MTFMT: variants seen among roughly 807,000 people sequenced by gnomAD.
MTFMT encodes the protein methionyl-tRNA formyltransferase, mitochondrial.
A neutral mutation model predicts 51.8 loss-of-function variants in MTFMT; 47 were observed. That is an observed-to-expected ratio of 0.91 (90% CI 0.72 to 1.16). The LOEUF is 1.16. Among genes scored for constraint, MTFMT ranks in the 50% most tolerant of loss-of-function variants. MTFMT has a pLI of 0.00. For missense variants in MTFMT, 512 were observed against 482.3 expected (o/e 1.06, Z -0.58); for synonymous variants, 196 against 176.7 (o/e 1.11, Z -0.87).
At chr15:65,028,728 T>C (rs117827710) in intron 1 of MTFMT, among the ~76,000 whole-genome samples, 196 of 152,280 alleles carry the variant, frequency 1.3e-3, no homozygotes, top group African/African-American at 3.2e-3. Flanking sequence ...GAGAAGTATA[T>C]ACGGTATTGC....
chr15:65,020,766 G>A (rs1391096790), intron 4 of MTFMT, among the ~76,000 whole-genome samples: 1 of 152,186 alleles, frequency 6.6e-6, no homozygotes, highest in Non-Finnish European at 1.5e-5. Flanking sequence ...GGCCTTCAAT[G>A]TCATCATCTG....
intron 8 of MTFMT, among the ~76,000 whole-genome samples, chr15:65,004,264 G>A (rs907561045): frequency 1.3e-5 from 2 of 151,990 alleles, no homozygotes; most frequent in Non-Finnish European, 2.9e-5. Context: ...TGATCCACCC[G>A]CCTCAGCCTC....
intron 6 of MTFMT, among the ~76,000 whole-genome samples, chr15:65,013,297 T>TTTTTTTTA (rs1555403316): frequency 1.3e-5 from 2 of 151,604 alleles, no homozygotes; most frequent in Non-Finnish European, 2.9e-5. Context: ...CTTTTTTTTT[T>TTTTTTTTA]AAGAGACAAA....
At chr15:65,007,111 AG>A (rs1451162414) in intron 6 of MTFMT, among the ~76,000 whole-genome samples, 1 of 152,242 alleles carries the variant, frequency 6.6e-6, no homozygotes, top group Non-Finnish European at 1.5e-5. Context: ...TGCCTTATGC[AG>A]GGGAAGAGCC....
chr15:65,023,457 T>C (rs142419795), intron 3 of MTFMT, among the ~76,000 whole-genome samples: 136 of 152,242 alleles, frequency 8.9e-4, no homozygotes, highest in African/African-American at 3.2e-3. Context: ...AAATTAAAAT[T>C]CACATATGGA....
chr15:65,022,346 G>A (rs147340986), intron 3 of MTFMT, among the ~76,000 whole-genome samples: 12 of 152,064 alleles, frequency 7.9e-5, no homozygotes, highest in Admixed American at 2.6e-4. Flanking sequence ...CTAGCTATTC[G>A]GGAGGCTGCA....
rs2140470621 is a variant in MTFMT, at chr15:65,002,122, G to C, written c.*940C>G. 6.6e-6 allele frequency: 1 copy of C among 152,258 alleles called. No homozygotes were observed. The highest frequency in any genetic ancestry group is 1.5e-5 in the Non-Finnish European group (1 of 68,020). 9.4% of individuals were successfully genotyped at this position (152,258 alleles called of 1,614,324 possible). On this transcript the variant is annotated 3_prime_UTR_variant, in exon 9 of 9. Coordinates refer to ENST00000220058, the MANE Select transcript of MTFMT (RefSeq NM_139242.4). ...TTTTAAAAAAACCTCTTCTCGGCCA[G>C]GCACGGTGGCTCACAGCTGTAATCC...
chr15:65,019,084 G>T (rs1170453419), intron 5 of MTFMT, among the ~76,000 whole-genome samples: 2 of 152,206 alleles, frequency 1.3e-5, no homozygotes, highest in South Asian at 2.1e-4. Context: ...TCATGTGAAA[G>T]GTTGTTAGGG....
rs757263139 is a variant in MTFMT, at chr15:65,020,206, C to G, written c.712G>C (p.Ala238Pro). ...SNGRQQPMEG[A>P]TYAPKISAGT... ...TGCAGCCTTCACTCACCGTAAGTCG[C>G]CCCCTCCATTGGCTGCTGCCTTCCA... The change falls in exon 5 of 9, where the codon GCG becomes CCG. Residue 238 changes from alanine (A) to proline (P), a missense_variant. Coordinates refer to ENST00000220058, the MANE Select transcript of MTFMT (RefSeq NM_139242.4). 2 of 1,612,634 alleles carry G rather than the reference C, an allele frequency of 1.2e-6. No individual in the cohort carries two copies. The highest frequency in any genetic ancestry group is 2.7e-5 in the African/African-American group (2 of 74,724).
intron 6 of MTFMT, among the ~76,000 whole-genome samples, chr15:65,010,258 G>T (rs1166212671): frequency 6.6e-6 from 1 of 152,074 alleles, no homozygotes. Flanking sequence ...CCCTTTTGAA[G>T]CTTCCAAGTC....
Position 65,029,409 on chromosome 15 carries a change from C to T in MTFMT, c.205G>A (p.Ala69Thr), listed in dbSNP as rs962525719. 2 of 1,492,682 alleles carry T rather than the reference C, an allele frequency of 1.3e-6. No individual in the cohort carries two copies. The highest frequency in any genetic ancestry group is 2.9e-5 in the African/African-American group (2 of 68,560). 92.5% of individuals were successfully genotyped at this position (1,492,682 alleles called of 1,614,324 possible). A position where few individuals can be genotyped will look rare whatever the true frequency, so the allele number is the denominator to read the frequency against. Residue 69 changes from alanine to threonine, a missense_variant, in exon 1 of 9, where the codon GCC (alanine) becomes ACC (threonine). Transcript: ENST00000220058. The part of the protein sequence containing the change: ...AREALRALHA[A>T]RENKEEELID... ...CCGGATCCCTGGCCCGGGTACCTGG[C>T]GGCGTGCAGCGCCCGCAGCGCCTCG... is the stretch of plus-strand genomic sequence containing the variant.
rs1022684495 is a variant in MTFMT, at chr15:65,002,896, G to GAGGTTGC, written c.*159_*165dup. 5.0e-5 allele frequency: 20 copies of GAGGTTGC among 402,480 alleles called. No individual in the cohort carries two copies. Among genetic ancestry groups the GAGGTTGC allele is most frequent in the Non-Finnish European group, 8.1e-5 (19 of 233,772 alleles). The allele number at this position is 402,480 out of a possible 1,614,324, so 24.9% of individuals were successfully genotyped here. A position where few individuals can be genotyped will look rare whatever the true frequency, so the allele number is the denominator to read the frequency against. On this transcript the variant is annotated 3_prime_UTR_variant, in exon 9 of 9. Coordinates refer to ENST00000220058, the MANE Select transcript of MTFMT (RefSeq NM_139242.4). Reference sequence around the variant, plus strand: ...GAGAATTGCTTGAACCTGGGAGGCGGAGGTTGCAGTGAGCTGAGATAGTGC... The same window carrying GAGGTTGC: ...GAGAATTGCTTGAACCTGGGAGGCGGAGGTTGCAGGTTGCAGTGAGCTGAGATAGTGC...
chr15:65,016,980 C>T (rs1048677562), intron 5 of MTFMT, among the ~76,000 whole-genome samples: 5 of 151,352 alleles, frequency 3.3e-5, no homozygotes, highest in African/African-American at 1.2e-4. Flanking sequence ...CAGGGTTTTG[C>T]CATGTTTGCC....
chr15:65,007,164 G>A (rs1379835153), intron 6 of MTFMT, among the ~76,000 whole-genome samples: 2 of 152,228 alleles, frequency 1.3e-5, no homozygotes, highest in Admixed American at 6.5e-5. Flanking sequence ...TATTCAATCT[G>A]TGAGGTGGGA....
chr15:65,026,897 T>G lies in MTFMT; in HGVS notation c.353A>C (p.Tyr118Ser). ...YEWPDVGSGE[Y>S]DVGVVASFGR... ...AAACGAAGCCACTACTCCAACATCA[T>G]ATTCTCCAGATCCCACATCCGGCCA... Residue 118 changes from tyrosine to serine, a missense_variant, in exon 2 of 9, where the codon TAT becomes TCT. Tyr to Ser is a moderately radical substitution (Grantham distance 144). Coordinates refer to ENST00000220058, the MANE Select transcript of MTFMT (RefSeq NM_139242.4). 6.2e-7 allele frequency: 1 copy of G among 1,613,994 alleles called. No homozygotes were observed. The highest frequency in any genetic ancestry group is 8.5e-7 in the Non-Finnish European group (1 of 1,179,892).
intron 4 of MTFMT, among the ~76,000 whole-genome samples, chr15:65,020,493 G>A (rs916829922): frequency 6.6e-6 from 1 of 152,148 alleles, no homozygotes; most frequent in Non-Finnish European, 1.5e-5. Context: ...TAAGCTGTGA[G>A]GATAGGTGTC....
rs767111622 is a variant in MTFMT at position 65,027,000 on chromosome 15, C to A, written c.250G>T (p.Val84Phe). The A allele has an allele frequency of 6.2e-7, 1 of 1,613,922 alleles. No homozygotes were observed. The highest frequency in any genetic ancestry group is 1.7e-5 in the Admixed American group (1 of 60,018). Reference sequence around the variant, plus strand: ...TTTGGTGATGGGGAAGGCATTGTGACCACCTCCAGTTTGTCGATTAACTCT... The same window carrying A: ...TTTGGTGATGGGGAAGGCATTGTGAACACCTCCAGTTTGTCGATTAACTCT... ...EEELIDKLEV[V>F]TMPSPSPKGL... Residue 84 changes from valine to phenylalanine, a missense_variant, in exon 2 of 9, where the codon GTC (valine) becomes TTC (phenylalanine). Val to Phe is a conservative substitution (Grantham distance 50). Coordinates refer to ENST00000220058, the MANE Select transcript of MTFMT (RefSeq NM_139242.4).
intron 6 of MTFMT, among the ~76,000 whole-genome samples, chr15:65,013,964 A>G (rs924026104): frequency 6.6e-6 from 1 of 152,086 alleles, no homozygotes; most frequent in Non-Finnish European, 1.5e-5. Flanking sequence ...ACAAAAAACA[A>G]AAAACAAAAC....
chr15:65,021,535 C>G lies in MTFMT; in HGVS notation c.624G>C (p.Leu208Phe). The G allele has an allele frequency of 1.2e-6, 2 of 1,610,500 alleles. No homozygotes were observed. Among genetic ancestry groups the G allele is most frequent in the Non-Finnish European group, 1.7e-6 (2 of 1,177,178 alleles). The change falls in exon 4 of 9, where the codon TTG becomes TTC. Residue 208 changes from leucine (L) to phenylalanine (F), a missense_variant. Leu to Phe is a conservative substitution (Grantham distance 22). Transcript: ENST00000220058. ...KSTAKELEAV[L>F]SRLGANMLIS... is the part of the protein sequence containing the mutation. ...ATACCATGTTGGCACCCAGTCTTGA[C>G]AACACTGCTTCCAATTCCTTTGCAG...
Sources: allele counts gnomAD v4.1 joint callset (sites outside exome capture counted in the v4.1 genomes callset), GRCh38; gene constraint gnomAD v4.1.1; transcripts MANE v1.5; gene names NCBI Gene and HGNC (gene_info 2026-07-23, HGNC 2026-07-21).